XRCC5: variants seen among roughly 807,000 people sequenced by gnomAD.
XRCC5 encodes DNA repair protein Ku80.
Under a neutral mutation model 95.7 loss-of-function variants are expected in XRCC5, and 12 were observed. The ratio of observed to expected loss-of-function variants is 0.13; its 90% CI spans 0.08 to 0.20. The LOEUF is 0.20. Among genes scored for constraint, XRCC5 ranks in the 10% least tolerant of loss-of-function variants. The probability of loss-of-function intolerance (pLI) is 1.00; values close to 1 mark genes in which losing one functional copy is unlikely to be tolerated. For missense variants in XRCC5, 595 were observed against 873.9 expected, an observed-to-expected ratio of 0.68 and a Z score of 4.02; for synonymous variants, 281 against 290.3, an observed-to-expected ratio of 0.97 and a Z score of 0.33.
intron 16 of XRCC5, among the ~76,000 whole-genome samples, chr2:216,187,520 G>T (rs949173033): frequency 2.2e-4 from 26 of 119,714 alleles, no homozygotes; most frequent in African/African-American, 8.8e-4. Flanking sequence ...GTGTGTGTGT[G>T]TTCTATCATA....
chr2:216,132,227 C>A, intron 9 of XRCC5, 98 bp from the exon 10 acceptor site: 1 of 1,169,806 alleles, frequency 8.5e-7, no homozygotes, highest in South Asian at 1.3e-5. Flanking sequence ...GAATGTTTTT[C>A]AGTAAGAGGA....
chr2:216,169,628 CTT>C (rs1171818993), intron 16 of XRCC5, among the ~76,000 whole-genome samples: 2 of 152,148 alleles, frequency 1.3e-5, no homozygotes, highest in African/African-American at 2.4e-5. Flanking sequence ...AGGGGTGCGA[CTT>C]AACCCTTGCC....
intron 14 of XRCC5, among the ~76,000 whole-genome samples, chr2:216,155,640 T>C (rs951628350): frequency 6.6e-6 from 1 of 152,154 alleles, no homozygotes; most frequent in Non-Finnish European, 1.5e-5. Context: ...TGGATTATGC[T>C]GCAAGTAACA....
intron 14 of XRCC5, among the ~76,000 whole-genome samples, chr2:216,149,004 CTT>C (rs922940930): frequency 2.2e-4 from 34 of 152,052 alleles, no homozygotes; most frequent in African/African-American, 8.0e-4. Flanking sequence ...TTATTGGTGA[CTT>C]TTTTTTCTCA....
chr2:216,190,817 G>A (rs537585783), intron 17 of XRCC5, among the ~76,000 whole-genome samples: 1 of 152,266 alleles, frequency 6.6e-6, no homozygotes, highest in South Asian at 2.1e-4. Context: ...GGTTTTGTCT[G>A]TTTGATTGTT....
chr2:216,173,228 A>C (rs1223547321), intron 16 of XRCC5, among the ~76,000 whole-genome samples: 1 of 151,144 alleles, frequency 6.6e-6, no homozygotes, highest in Admixed American at 6.6e-5. Flanking sequence ...TTTTTTTTTA[A>C]TTATTGTACT....
intron 2 of XRCC5, among the ~76,000 whole-genome samples, chr2:216,114,571 C>T (rs970800973): frequency 1.3e-5 from 2 of 151,512 alleles, no homozygotes; most frequent in Non-Finnish European, 2.9e-5. Context: ...ATTAGAAATC[C>T]GTCCCTCTGA....
At position 216,160,909 on chromosome 2, in the gene XRCC5, G is replaced by A. The variant is rs542202090; in HGVS notation, c.1764+748G>A. Among the ~76,000 whole-genome samples, 3 of 152,124 alleles carry A rather than the reference G, an allele frequency of 2.0e-5. No individual in the cohort carries two copies. The South Asian group carries it at 6.2e-4, about 32-fold the overall frequency. ...TATTTTTCATAGAGGTGGGGTCTCA[G>A]TATGTTACTCCTGGGCTCAAGCAAT... On this transcript the variant is annotated intron_variant, in intron 15 of 20. Coordinates refer to ENST00000392132, the MANE Select transcript of XRCC5 (RefSeq NM_021141.4).
At chr2:216,172,725 T>TC (rs1322349714) in intron 16 of XRCC5, among the ~76,000 whole-genome samples, 1 of 152,172 alleles carries the variant, frequency 6.6e-6, no homozygotes, top group Non-Finnish European at 1.5e-5. Flanking sequence ...TGCCTTGGCC[T>TC]CCAAGTTTTG....
intron 16 of XRCC5, among the ~76,000 whole-genome samples, chr2:216,178,970 T>TA (rs1689330096): frequency 6.6e-6 from 1 of 152,206 alleles, no homozygotes; most frequent in African/African-American, 2.4e-5. Flanking sequence ...CATACCAAGA[T>TA]ACAGACAGTA....
chr2:216,150,733 A>G lies in XRCC5; in HGVS notation c.1670+2457A>G, dbSNP rs899578382. ...GAGAATCCCCATCTCTACTAAAAAT[A>G]CAAAAATGAACTGGGCGTGGTGGTG... On this transcript the variant is annotated intron_variant, in intron 14 of 20. Coordinates refer to ENST00000392132, the MANE Select transcript of XRCC5 (RefSeq NM_021141.4). Among the ~76,000 whole-genome samples the G allele has an allele frequency of 6.6e-5, 10 of 150,918 alleles. No individual in the cohort carries two copies. The East Asian group carries it at 1.7e-3, about 26-fold the overall frequency.
At chr2:216,131,613 A>G (rs1696994952) in intron 9 of XRCC5, among the ~76,000 whole-genome samples, 1 of 152,036 alleles carries the variant, frequency 6.6e-6, no homozygotes, top group Non-Finnish European at 1.5e-5. Context: ...CTTATTTTTG[A>G]TTTAATTTCT....
chr2:216,148,823 C>T (rs1001029712), intron 14 of XRCC5, among the ~76,000 whole-genome samples: 1 of 152,180 alleles, frequency 6.6e-6, no homozygotes, highest in Admixed American at 6.5e-5. Context: ...TTTTCATATA[C>T]ACTTAAATCA....
chr2:216,150,569 T>C (rs1418380136), intron 14 of XRCC5, among the ~76,000 whole-genome samples: 3 of 152,214 alleles, frequency 2.0e-5, no homozygotes, highest in African/African-American at 7.2e-5. Context: ...AGTGTGTTAC[T>C]ATACTGAATA....
chr2:216,148,309 G>A, intron 14 of XRCC5, 33 bp downstream of exon 14: 1 of 1,576,028 alleles, frequency 6.3e-7, no homozygotes, highest in Non-Finnish European at 8.6e-7. Flanking sequence ...TTTAACATTG[G>A]GGTACATAAG....
intron 13 of XRCC5, among the ~76,000 whole-genome samples, chr2:216,146,019 G>A (rs935032478): frequency 6.6e-6 from 1 of 152,156 alleles, no homozygotes; most frequent in Non-Finnish European, 1.5e-5. Flanking sequence ...AAGGTGGTGA[G>A]GGGGTAGATT....
intron 16 of XRCC5, among the ~76,000 whole-genome samples, chr2:216,168,055 C>G (rs903610928): frequency 2.0e-5 from 3 of 152,142 alleles, no homozygotes; most frequent in African/African-American, 4.8e-5. Flanking sequence ...CCTCATTTAT[C>G]AGGACAAGTG....
chr2:216,111,756 G>C (rs1010520306), intron 1 of XRCC5, among the ~76,000 whole-genome samples: 1 of 152,154 alleles, frequency 6.6e-6, no homozygotes, highest in African/African-American at 2.4e-5. Flanking sequence ...CTATCAGTCA[G>C]AGTCAAGGAA....
intron 16 of XRCC5, among the ~76,000 whole-genome samples, chr2:216,166,282 A>C (rs1435890245): frequency 4.6e-5 from 7 of 151,950 alleles, no homozygotes; most frequent in Admixed American, 4.6e-4. Context: ...CTACCACACC[A>C]GGCTAATTTT....
Sources: allele counts gnomAD v4.1 joint callset (sites outside exome capture counted in the v4.1 genomes callset), GRCh38; gene constraint gnomAD v4.1.1; transcripts MANE v1.5; gene names NCBI Gene and HGNC (gene_info 2026-07-23, HGNC 2026-07-21).